The following IRGM variants were observed in gnomAD, a reference collection of about 807,000 sequenced individuals.
The protein encoded by IRGM is immunity related GTPase M.
For missense variants in IRGM, 288 were observed against 219.9 expected (o/e 1.31, Z -1.96); for synonymous variants, 98 against 80.6 (o/e 1.22, Z -1.16).
At chr5:150,872,438 C>T (rs1473637567) in intron 1 of IRGM, among the ~76,000 whole-genome samples, 1 of 152,196 alleles carries the variant, frequency 6.6e-6, no homozygotes, top group African/African-American at 2.4e-5. Flanking sequence ...TCAGGAACCA[C>T]TCCCAACCTA....
At chr5:150,874,352 G>A (rs11950957) in intron 1 of IRGM, among the ~76,000 whole-genome samples, 31,040 of 152,014 alleles carry the variant, frequency 0.2, 5,044 homozygotes, top group African/African-American at 0.43. Context: ...TTTGTTGGTG[G>A]GACATTTGTA....
intron 3 of IRGM, among the ~76,000 whole-genome samples, chr5:150,890,989 CTTACTAA>C (rs1338100167): frequency 6.6e-6 from 1 of 152,012 alleles, no homozygotes; most frequent in Non-Finnish European, 1.5e-5. Context: ...CTACTATAAC[CTTACTAA>C]TTATCTTCTC....
chr5:150,849,578 A>G (rs1195450790), downstream of IRGM, among the ~76,000 whole-genome samples: 2 of 148,168 alleles, frequency 1.3e-5, no homozygotes, highest in Admixed American at 6.7e-5. Context: ...CTAACCATAT[A>G]TATGGGTGTA....
chr5:150,871,223 G>C (rs1348131011), intron 1 of IRGM, among the ~76,000 whole-genome samples: 1 of 152,126 alleles, frequency 6.6e-6, no homozygotes, highest in African/African-American at 2.4e-5. Context: ...TTTCTGGTTT[G>C]ATACTTGGTA....
rs571925003 is a variant in IRGM, at chr5:150,878,173, T to A, written c.*78+59T>A. 4.3e-3 allele frequency: 1,167 copies of A among 272,544 alleles called. 3 individuals carry two copies. The highest frequency in any genetic ancestry group is 0.025 in the Middle Eastern group (34 of 1,374). The allele number at this position is 272,544 out of a possible 1,614,324, so 16.9% of individuals were successfully genotyped here. ...GTTTAAAGTTTGGAAATAGTAAACT[T>A]TTTTTTTTGTTGTTGTTGTTGTTAA... On this transcript the variant is annotated intron_variant and NMD_transcript_variant, in intron 2 of 3. Transcript: ENST00000520549.
At chr5:150,882,108 G>C (rs967578300) in intron 3 of IRGM, among the ~76,000 whole-genome samples, 9 of 151,972 alleles carry the variant, frequency 5.9e-5, no homozygotes, top group African/African-American at 2.2e-4. Flanking sequence ...CCTGAGTCTG[G>C]GAAGTTGAGG....
intron 3 of IRGM, among the ~76,000 whole-genome samples, chr5:150,888,899 C>A (rs76679731): frequency 1.3e-5 from 2 of 151,956 alleles, no homozygotes; most frequent in South Asian, 2.1e-4. Context: ...CAACATTGAG[C>A]CTTCCAACCA....
At chr5:150,886,542 G>T (rs1002425469) in intron 3 of IRGM, among the ~76,000 whole-genome samples, 1 of 151,806 alleles carries the variant, frequency 6.6e-6, no homozygotes, top group Non-Finnish European at 1.5e-5. Context: ...GCTTTTTTTG[G>T]TTGGTAGGCT....
chr5:150,876,192 G>A (rs574920171), intron 1 of IRGM, among the ~76,000 whole-genome samples: 64 of 152,310 alleles, frequency 4.2e-4, no homozygotes, highest in African/African-American at 1.5e-3. Context: ...CAGGGCTGGG[G>A]CAAAGTTATC....
intron 1 of IRGM, among the ~76,000 whole-genome samples, chr5:150,868,718 TTTG>T (rs1407757976): frequency 1.3e-5 from 2 of 152,076 alleles, no homozygotes; most frequent in East Asian, 1.9e-4. Context: ...CTAAGTGGGT[TTTG>T]TTGTTGTTTT....
At chr5:150,896,466 T>C (rs749172555) in intron 3 of IRGM, 9 of 1,613,474 alleles carry the variant, frequency 5.6e-6, no homozygotes, top group Non-Finnish European at 7.6e-6. Context: ...ATTCTGATAT[T>C]GAATAAGGGA....
chr5:150,898,094 T>C, intron 3 of IRGM: 3 of 1,613,566 alleles, frequency 1.9e-6, no homozygotes, highest in East Asian at 2.2e-5. Flanking sequence ...TTCATCTGGA[T>C]AGATCCAATT....
intron 1 of IRGM, among the ~76,000 whole-genome samples, chr5:150,874,707 G>A (rs990531277): frequency 6.6e-6 from 1 of 152,202 alleles, no homozygotes; most frequent in Non-Finnish European, 1.5e-5. Flanking sequence ...TGACCCAGCA[G>A]ATCCAATGGT....
intron 1 of IRGM, among the ~76,000 whole-genome samples, chr5:150,867,109 A>G (rs927742057): frequency 6.6e-6 from 1 of 152,008 alleles, no homozygotes; most frequent in Non-Finnish European, 1.5e-5. Context: ...AATTTTGTGC[A>G]CTCATCACCC....
chr5:150,897,872 A>C, intron 3 of IRGM: 1 of 537,784 alleles, frequency 1.9e-6, no homozygotes, highest in Non-Finnish European at 3.0e-6. Flanking sequence ...ACAAATATAA[A>C]CATATATATA....
rs60800371 is a variant in IRGM at position 150,847,809 on chromosome 5, T to TTTTGTTTGTTTG, written c.-304_-303insGTTTGTTTGTTT. 50,230 of 276,540 alleles carry TTTTGTTTGTTTG rather than the reference T, an allele frequency of 0.18. 6,616 individuals are homozygous for TTTTGTTTGTTTG. Among genetic ancestry groups the TTTTGTTTGTTTG allele is most frequent in the East Asian group, 0.58 (6,730 of 11,646 alleles). 17.1% of individuals were successfully genotyped at this position (276,540 alleles called of 1,614,324 possible). On this transcript the variant is annotated 5_prime_UTR_variant, in exon 2 of 2. Coordinates refer to ENST00000522154, the MANE Select transcript of IRGM (RefSeq NM_001145805.2). ...TTTTTGCCACACCATAAGCATTGGG[T>TTTTGTTTGTTTG]TTTGTTTGTTTTGAGATGGAGTCTT...
intron 3 of IRGM, chr5:150,896,966 C>A (rs767325795): frequency 6.2e-7 from 1 of 1,605,844 alleles, no homozygotes; most frequent in Non-Finnish European, 8.5e-7. Flanking sequence ...GAAGGTTACT[C>A]TTCCTGTCTA....
In IRGM at chr5:150,876,819, G is replaced by A. The variant is rs187394048; in HGVS notation, c.159-1161G>A. Among the ~76,000 whole-genome samples the A allele has an allele frequency of 3.9e-3, 595 of 152,310 alleles. 9 individuals are homozygous for A. Among genetic ancestry groups the A allele is most frequent in the African/African-American group, 0.014 (563 of 41,580 alleles). ...GTAGTAGAATAAGGCAGTCATCGAT[G>A]CCAGCTACGACCATGTGACCAGTTG... On this transcript the variant is annotated intron_variant and NMD_transcript_variant, in intron 1 of 3. Transcript: ENST00000520549.
chr5:150,862,137 GT>G (rs1385070919), intron 1 of IRGM, among the ~76,000 whole-genome samples: 4 of 152,320 alleles, frequency 2.6e-5, no homozygotes, highest in Admixed American at 6.5e-5. Flanking sequence ...TTTTTCAAGA[GT>G]TTTTTCCTTG....
Sources: allele counts gnomAD v4.1 joint callset (sites outside exome capture counted in the v4.1 genomes callset), GRCh38; gene constraint gnomAD v4.1.1; transcripts MANE v1.5; gene names NCBI Gene and HGNC (gene_info 2026-07-23, HGNC 2026-07-21).